Variants in ABLIM2 observed in about 807,000 individuals in gnomAD.
ABLIM2 encodes actin binding LIM protein family member 2, also known as actin-binding LIM protein 2.
In ABLIM2, 53 loss-of-function variants were observed where a neutral mutation model predicts 97.7. That is an observed-to-expected ratio of 0.54 (90% CI 0.44 to 0.68). ABLIM2 has a LOEUF of 0.68. ABLIM2 is among the 30% of genes least tolerant of loss of function. ABLIM2 has a pLI of 0.00. For synonymous variants in ABLIM2, 361 were observed against 345.8 expected, an observed-to-expected ratio of 1.04 and a Z score of -0.49; for missense variants, 835 against 867.2, an observed-to-expected ratio of 0.96 and a Z score of 0.47.
At chr4:8,037,695 G>A (rs922072593) in intron 9 of ABLIM2, among the ~76,000 whole-genome samples, 2 of 151,976 alleles carry the variant, frequency 1.3e-5, no homozygotes, top group South Asian at 2.1e-4. Context: ...ATGCCCACAC[G>A]CACTCACACA....
rs1297532401 is a variant in ABLIM2 at position 8,069,212 on chromosome 4, G to A, written c.676-8158C>T. On this transcript the variant is annotated intron_variant, in intron 6 of 20. Transcript: ENST00000447017. The surrounding 1 kb of genome is among the most constrained non-coding windows in gnomAD (Gnocchi z 4.2). Reference sequence around the variant, plus strand: ...GCCTCATTCTCTGCTGTACCCCGGCGTCCCCTCCAGCAGTGGCACTGGCAG... The same window carrying A: ...GCCTCATTCTCTGCTGTACCCCGGCATCCCCTCCAGCAGTGGCACTGGCAG... Among the ~76,000 whole-genome samples, 1 of 152,240 alleles carries A rather than the reference G, an allele frequency of 6.6e-6. No homozygotes were observed. The highest frequency in any genetic ancestry group is 1.5e-5 in the Non-Finnish European group (1 of 68,054).
At chr4:8,118,417 G>T (rs1261425207) in intron 1 of ABLIM2, among the ~76,000 whole-genome samples, 1 of 152,188 alleles carries the variant, frequency 6.6e-6, no homozygotes, top group Non-Finnish European at 1.5e-5. Context: ...TTTCCCTCCA[G>T]CCCAGTTTCT....
Position 8,045,183 on chromosome 4 carries a change from G to T in ABLIM2, c.881C>A (p.Ser294Tyr). ...ISVPASSTSG[S>Y]PSRVIYAKLG... Reference sequence around the variant, plus strand: ...ACTTACATAAATCACACGGCTCGGAGACCCTGAGGTGCTGGAAGCAGGGAC... The same window carrying T: ...ACTTACATAAATCACACGGCTCGGATACCCTGAGGTGCTGGAAGCAGGGAC... Residue 294 changes from serine to tyrosine, a missense_variant, in exon 9 of 21, where the codon TCT becomes TAT. Transcript: ENST00000447017. 6.2e-7 allele frequency: 1 copy of T among 1,613,944 alleles called. No homozygotes were observed. The highest frequency in any genetic ancestry group is 1.1e-5 in the South Asian group (1 of 91,072).
At chr4:8,055,052 T>TG (rs932339761) in intron 7 of ABLIM2, among the ~76,000 whole-genome samples, 1 of 151,724 alleles carries the variant, frequency 6.6e-6, no homozygotes, top group Non-Finnish European at 1.5e-5. Flanking sequence ...GTTTTTGTTT[T>TG]TTTTTTTTCC....
rs28522826 is a variant in ABLIM2, at chr4:7,986,804, C to T, written c.1681-1911G>A. ...TCTCCTGCCTCAGCCTCCTGAGCAG[C>T]TGGGATTACAGGCGCCTACCACCAC... is the stretch of plus-strand genomic sequence containing the variant. On this transcript the variant is annotated intron_variant, in intron 17 of 20. Coordinates refer to ENST00000447017, the MANE Select transcript of ABLIM2 (RefSeq NM_001130083.2). The surrounding 1 kb of genome is among the most constrained non-coding windows in gnomAD (Gnocchi z 4.3). 6.3e-3 allele frequency among the ~76,000 whole-genome samples: 958 copies of T among 152,208 alleles called. 8 individuals carry two copies. The highest frequency in any genetic ancestry group is 0.022 in the African/African-American group (900 of 41,520).
chr4:8,042,853 A>C (rs949253018), intron 9 of ABLIM2, among the ~76,000 whole-genome samples: 9 of 151,532 alleles, frequency 5.9e-5, no homozygotes, highest in Non-Finnish European at 1.2e-4. Flanking sequence ...AAAAAAAAAA[A>C]AAAAAGAACA....
At position 7,984,830 on chromosome 4, in the gene ABLIM2, T is replaced by G; in HGVS notation, c.1735+9A>C. On this transcript the variant is annotated intron_variant, in intron 18 of 20. Transcript: ENST00000447017. ...AGCCAGAGACCCACAGGGTCCCCGC[T>G]CTGTGTACCTCGCATGCCCCAGCTG... is the stretch of plus-strand genomic sequence containing the variant. The G allele has an allele frequency of 6.3e-7, 1 of 1,594,108 alleles. No homozygotes were observed. Among genetic ancestry groups the G allele is most frequent in the Non-Finnish European group, 8.5e-7 (1 of 1,170,610 alleles).
chr4:8,047,555 C>T (rs1279259048), intron 8 of ABLIM2, among the ~76,000 whole-genome samples: 4 of 152,182 alleles, frequency 2.6e-5, no homozygotes, highest in South Asian at 2.1e-4. Context: ...GTCATGCCCA[C>T]GATGGCCCAA....
intron 1 of ABLIM2, among the ~76,000 whole-genome samples, chr4:8,117,991 C>T (rs532394058): frequency 1.6e-4 from 24 of 152,318 alleles, no homozygotes; most frequent in African/African-American, 5.3e-4. Context: ...AACACAGCCC[C>T]AGGAAGAGGA....
chr4:8,136,537 G>T (rs553540154), intron 1 of ABLIM2, among the ~76,000 whole-genome samples: 8 of 152,350 alleles, frequency 5.3e-5, no homozygotes, highest in Admixed American at 4.6e-4. Context: ...GAAGGGCTCT[G>T]CAGTACCAGG....
intron 18 of ABLIM2, among the ~76,000 whole-genome samples, chr4:7,983,806 C>T (rs556271775): frequency 1.4e-4 from 22 of 152,350 alleles, no homozygotes; most frequent in Non-Finnish European, 2.9e-4. Context: ...AGCCGGAGGG[C>T]GGCACTGTGC....
At position 8,005,412 on chromosome 4, in the gene ABLIM2, G is replaced by A. The variant is rs528457124; in HGVS notation, c.1618+2647C>T. 15 of 533,580 alleles carry A rather than the reference G, an allele frequency of 2.8e-5. No homozygotes were observed. The highest frequency in any genetic ancestry group is 8.4e-4 in the Middle Eastern group (2 of 2,370). 33.1% of individuals were successfully genotyped at this position (533,580 alleles called of 1,614,324 possible). ...TCACAATCCTACCTTCCTTGGGCGC[G>A]CTACAGATGGACGTCCCGGGGTGCA... On this transcript the variant is annotated intron_variant, in intron 16 of 20. Coordinates refer to ENST00000447017, the MANE Select transcript of ABLIM2 (RefSeq NM_001130083.2). This position sits in a 1 kb window ranked among gnomAD's most constrained non-coding sequence, Gnocchi z 4.9.
At chr4:8,088,996 C>A (rs1200311301) in intron 3 of ABLIM2, among the ~76,000 whole-genome samples, 1 of 152,180 alleles carries the variant, frequency 6.6e-6, no homozygotes, top group Non-Finnish European at 1.5e-5. Flanking sequence ...ACAATCGGAT[C>A]CTGTCTTTAT....
At chr4:8,104,242 G>T (rs928192011) in intron 2 of ABLIM2, among the ~76,000 whole-genome samples, 3 of 152,304 alleles carry the variant, frequency 2.0e-5, no homozygotes, top group African/African-American at 7.2e-5. Flanking sequence ...CCCACAGCTC[G>T]TGCACTCACT....
At chr4:8,012,825 CCT>C (rs1250835267) in intron 14 of ABLIM2, among the ~76,000 whole-genome samples, 1 of 152,216 alleles carries the variant, frequency 6.6e-6, no homozygotes, top group Admixed American at 6.5e-5. Flanking sequence ...TTCATCCATT[CCT>C]CTCTTTGTCC....
chr4:8,139,204 AGAAAACG>A (rs531701577), intron 1 of ABLIM2, among the ~76,000 whole-genome samples: 133 of 147,464 alleles, frequency 9.0e-4, no homozygotes, highest in Non-Finnish European at 1.2e-3. Flanking sequence ...TCTTGAAAAG[AGAAAACG>A]GAAAAGGGAA....
chr4:8,096,688 T>C (rs557453946), intron 3 of ABLIM2, among the ~76,000 whole-genome samples: 1 of 152,208 alleles, frequency 6.6e-6, no homozygotes, highest in South Asian at 2.1e-4. Flanking sequence ...AAACAGAACA[T>C]TTCCTCTGGG....
In ABLIM2 at chr4:8,002,990, C is replaced by T. The variant is rs1578356332; in HGVS notation, c.1618+5069G>A. ...GGGCACTGATATAACTCACTTTCAG[C>T]TTGTTTCTCTTTGTCTCCCAGCCCC... On this transcript the variant is annotated intron_variant, in intron 16 of 20. Coordinates refer to ENST00000447017, the MANE Select transcript of ABLIM2 (RefSeq NM_001130083.2). This position sits in a 1 kb window ranked among gnomAD's most constrained non-coding sequence, Gnocchi z 6.1. Among the ~76,000 whole-genome samples, 2 of 152,204 alleles carry T rather than the reference C, an allele frequency of 1.3e-5. No homozygotes were observed. The highest frequency in any genetic ancestry group is 4.8e-5 in the African/African-American group (2 of 41,460).
rs140133887 is a variant in ABLIM2, at chr4:7,988,352, C to CT, written c.1681-3460dup. 6.6e-3 allele frequency among the ~76,000 whole-genome samples: 1,008 copies of CT among 152,278 alleles called. 13 individuals carry two copies. Among genetic ancestry groups the CT allele is most frequent in the East Asian group, 0.057 (294 of 5,174 alleles). ...TAGCACTTCTTACGTGCCTGTGGCT[C>CT]TATAGGTACATTCTCTAACCTTTGC... is the stretch of plus-strand genomic sequence containing the variant. On this transcript the variant is annotated intron_variant, in intron 17 of 20. Coordinates refer to ENST00000447017, the MANE Select transcript of ABLIM2 (RefSeq NM_001130083.2).
Sources: gnomAD v4.1 joint callset for allele counts (sites outside exome capture counted in the v4.1 genomes callset) on GRCh38, gnomAD v4.1.1 for gene constraint, Gnocchi (gnomAD v3.1) non-coding constraint, MANE v1.5 for transcripts, NCBI Gene and HGNC (gene_info 2026-07-23, HGNC 2026-07-21) for gene names.